Variants in PARD3B observed in about 807,000 individuals in gnomAD.
PARD3B encodes partitioning defective 3 homolog B.
In PARD3B, 103 loss-of-function variants were observed where a neutral mutation model predicts 130.2. The ratio of observed to expected loss-of-function variants is 0.79; its 90% confidence interval spans 0.67 to 0.93. The LOEUF (loss-of-function observed/expected upper bound fraction) is 0.93, where lower values mean the gene tolerates loss of function less well. PARD3B is among the 40% of genes least tolerant of loss of function. The probability of loss-of-function intolerance (pLI) is 0.00; values close to 1 mark genes in which losing one functional copy is unlikely to be tolerated. For synonymous variants in PARD3B, 583 were observed against 553.2 expected (o/e 1.05, Z -0.76); for missense variants, 1,609 against 1,499.2 (o/e 1.07, Z -1.21).
chr2:204,665,155 T>C (rs764413914), intron 1 of PARD3B, among the ~76,000 whole-genome samples: 75 of 152,040 alleles, frequency 4.9e-4, no homozygotes, highest in Non-Finnish European at 8.8e-4. Flanking sequence ...TTTCAAAATC[T>C]TTAGAAAATA....
At chr2:204,886,450 T>G (rs566515787) in intron 2 of PARD3B, among the ~76,000 whole-genome samples, 1 of 152,344 alleles carries the variant, frequency 6.6e-6, no homozygotes, top group African/African-American at 2.4e-5. Flanking sequence ...AGTAAATTCC[T>G]GAGTGTTGCC....
At position 205,185,988 on chromosome 2, in the gene PARD3B, A is replaced by G. The variant is rs563974523; in HGVS notation, c.2024+125A>G. ...CTGGAATGGAAATCTTATAGTATCT[A>G]TAATTCCTTTCCAGCGAAAGCTTCA... On this transcript the variant is annotated intron_variant, in intron 14 of 22. Transcript: ENST00000406610. The G allele has an allele frequency of 6.2e-5, 47 of 757,532 alleles. No individual in the cohort carries two copies. In the East Asian group the frequency reaches 1.2e-3, roughly 20 times the overall value. The allele number at this position is 757,532 out of a possible 1,614,324, so 46.9% of individuals were successfully genotyped here.
intron 22 of PARD3B, among the ~76,000 whole-genome samples, chr2:205,559,416 G>A (rs529674934): frequency 6.6e-6 from 1 of 152,170 alleles, no homozygotes; most frequent in African/African-American, 2.4e-5. Flanking sequence ...AAAGTGCCGG[G>A]ATTATAGGCA....
intron 2 of PARD3B, among the ~76,000 whole-genome samples, chr2:204,823,745 G>T (rs2043459131): frequency 6.6e-6 from 1 of 152,236 alleles, no homozygotes. Context: ...TTCAAGACCA[G>T]CTGGACCAGT....
At chr2:205,488,674 G>A (rs989317766) in intron 20 of PARD3B, among the ~76,000 whole-genome samples, 1 of 152,158 alleles carries the variant, frequency 6.6e-6, no homozygotes, top group Non-Finnish European at 1.5e-5. Context: ...CTTAAACGCT[G>A]AAATGATGTT....
chr2:205,334,153 C>G (rs2043229693), intron 18 of PARD3B, among the ~76,000 whole-genome samples: 1 of 152,124 alleles, frequency 6.6e-6, no homozygotes. Flanking sequence ...GTGGACTAAC[C>G]TGTAACCTCT....
intron 21 of PARD3B, among the ~76,000 whole-genome samples, chr2:205,535,626 C>T (rs1327592500): frequency 1.3e-5 from 2 of 152,060 alleles, no homozygotes; most frequent in Non-Finnish European, 2.9e-5. Flanking sequence ...AATAATAGCC[C>T]ACTTAAAGAA....
At chr2:205,299,571 A>AT (rs1490217361) in intron 16 of PARD3B, among the ~76,000 whole-genome samples, 1 of 4,354 alleles carries the variant, frequency 2.3e-4, no homozygotes, top group African/African-American at 8.0e-4. Flanking sequence ...TTATATATAT[A>AT]TATATAATAT....
Position 205,125,705 on chromosome 2 carries a change from C to T in PARD3B, c.1402C>T (p.Arg468Cys), listed in dbSNP as rs746241219. 1.9e-5 allele frequency: 31 copies of T among 1,613,982 alleles called. No individual in the cohort carries two copies. Among genetic ancestry groups the T allele is most frequent in the East Asian group, 4.5e-5 (2 of 44,870 alleles). Residue 468 changes from arginine to cysteine, a missense_variant, in exon 10 of 23, where the codon CGC becomes TGC. Coordinates refer to ENST00000406610, the MANE Select transcript of PARD3B (RefSeq NM_001302769.2). The surrounding 1 kb of genome is among the most constrained non-coding windows in gnomAD (Gnocchi z 4.0). ...QGETASLVIA[R>C]QEGHFLPREL... ...GGAGACAGCATCGCTGGTCATTGCC[C>T]GCCAAGAAGGACATTTTCTGCCCCG...
chr2:204,636,649 C>T (rs1026621789), intron 1 of PARD3B, among the ~76,000 whole-genome samples: 14 of 152,192 alleles, frequency 9.2e-5, no homozygotes, highest in African/African-American at 3.4e-4. Flanking sequence ...TAGTTACCCT[C>T]CTGCCATCTT....
chr2:204,781,209 T>C (rs1393981488), intron 2 of PARD3B, among the ~76,000 whole-genome samples: 2 of 152,160 alleles, frequency 1.3e-5, no homozygotes, highest in African/African-American at 4.8e-5. Flanking sequence ...TCAAGGAGAA[T>C]ATAGTGACAA....
chr2:204,594,957 G>T (rs1296853093), intron 1 of PARD3B, among the ~76,000 whole-genome samples: 1 of 152,124 alleles, frequency 6.6e-6, no homozygotes, highest in Admixed American at 6.6e-5. Context: ...AAAAATTTCA[G>T]TGATGCCTCC....
chr2:205,113,518 T>C lies in PARD3B; in HGVS notation c.621T>C (p.Ser207=). The C allele has an allele frequency of 6.2e-7, 1 of 1,613,538 alleles. No individual in the cohort carries two copies. Among genetic ancestry groups the C allele is most frequent in the Non-Finnish European group, 8.5e-7 (1 of 1,179,654 alleles). ...LSDMTRTVEI[S]GEGGPLGIHV... ...ATATGACAAGAACAGTGGAGATTTC[T>C]GGGGAAGGAGGCCCATTGGGAATAC... Residue 207 remains serine (S), a synonymous_variant, in exon 6 of 23, where the codon TCT becomes TCC. Transcript: ENST00000406610.
intron 1 of PARD3B, among the ~76,000 whole-genome samples, chr2:204,647,444 T>A (rs1192747599): frequency 6.6e-6 from 1 of 151,866 alleles, no homozygotes; most frequent in Non-Finnish European, 1.5e-5. Flanking sequence ...TTTTTGTATG[T>A]GGTTTATACC....
At chr2:204,987,179 T>G (rs1317342289) in intron 3 of PARD3B, among the ~76,000 whole-genome samples, 1 of 152,100 alleles carries the variant, frequency 6.6e-6, no homozygotes, top group East Asian at 1.9e-4. Flanking sequence ...AGTACCCAGT[T>G]AAAATACCCT....
chr2:205,509,421 C>T (rs1157434262), intron 21 of PARD3B, among the ~76,000 whole-genome samples: 2 of 152,080 alleles, frequency 1.3e-5, no homozygotes, highest in Non-Finnish European at 2.9e-5. Context: ...GTCTTTAAGT[C>T]TGTTGCTCCA....
intron 16 of PARD3B, among the ~76,000 whole-genome samples, chr2:205,278,748 TTTAAGAAGCCA>T (rs1294692312): frequency 6.6e-6 from 1 of 152,058 alleles, no homozygotes; most frequent in Non-Finnish European, 1.5e-5. Context: ...AATTCAGAAC[TTTAAGAAGCCA>T]CTAAACTTTA....
intron 2 of PARD3B, among the ~76,000 whole-genome samples, chr2:204,753,060 A>G (rs1178993551): frequency 6.6e-6 from 1 of 152,326 alleles, no homozygotes; most frequent in South Asian, 2.1e-4. Flanking sequence ...CAAAAGTCCT[A>G]TTCGGTATTT....
Position 205,255,151 on chromosome 2 carries a change from G to A in PARD3B, c.2185+9329G>A, listed in dbSNP as rs117803765. Reference sequence around the variant, plus strand: ...GAGCCCCAGCTGAACTCTTGAAGACGCACCTCCCAGGGAAACCTTCCCCTG... The same window carrying A: ...GAGCCCCAGCTGAACTCTTGAAGACACACCTCCCAGGGAAACCTTCCCCTG... On this transcript the variant is annotated intron_variant, in intron 16 of 22. Coordinates refer to ENST00000406610, the MANE Select transcript of PARD3B (RefSeq NM_001302769.2). 8.6e-5 allele frequency among the ~76,000 whole-genome samples: 13 copies of A among 151,712 alleles called. No individual in the cohort carries two copies. The East Asian group carries it at 2.3e-3, about 27-fold the overall frequency.
Sources: gnomAD v4.1 joint callset for allele counts (sites outside exome capture counted in the v4.1 genomes callset) on GRCh38, gnomAD v4.1.1 for gene constraint, Gnocchi (gnomAD v3.1) non-coding constraint, MANE v1.5 for transcripts, NCBI Gene and HGNC (gene_info 2026-07-23, HGNC 2026-07-21) for gene names.